SVEP1: variants seen among roughly 807,000 people sequenced by gnomAD.
The protein encoded by SVEP1 is sushi, von Willebrand factor type A, EGF and pentraxin domain containing 1.
In SVEP1, 164 loss-of-function variants were observed where a neutral mutation model predicts 367.3. That is an observed-to-expected ratio of 0.45 (90% CI 0.39 to 0.51). SVEP1 has a LOEUF of 0.51. Ranked by LOEUF, SVEP1 falls within the 20% of genes least tolerant of loss-of-function variation. The pLI is 0.00. For missense variants in SVEP1, 4,117 were observed against 4,425.3 expected, an observed-to-expected ratio of 0.93 and a Z score of 1.98; for synonymous variants, 1,666 against 1,611.6, an observed-to-expected ratio of 1.03 and a Z score of -0.81.
chr9:110,438,300 C>T (rs535939392), intron 27 of SVEP1, among the ~76,000 whole-genome samples: 168 of 151,222 alleles, frequency 1.1e-3, no homozygotes, highest in African/African-American at 3.9e-3. Flanking sequence ...GATTCTCACG[C>T]CTCAGCCTCC....
intron 1 of SVEP1, among the ~76,000 whole-genome samples, chr9:110,571,453 T>C (rs1830561098): frequency 6.6e-6 from 1 of 152,160 alleles, no homozygotes. Context: ...AAAGAATCCC[T>C]GATGGTAGGA....
chr9:110,486,795 C>T (rs1829285535), intron 9 of SVEP1, among the ~76,000 whole-genome samples: 1 of 152,046 alleles, frequency 6.6e-6, no homozygotes, highest in Admixed American at 6.6e-5. Context: ...CAGGTGTGCG[C>T]CACCACACAC....
rs748603134 is a variant in SVEP1 at position 110,472,161 on chromosome 9, G to A, written c.2762C>T (p.Thr921Ile). Residue 921 changes from threonine (T) to isoleucine (I), a missense_variant and splice_region_variant, in exon 15 of 48, where the codon ACA becomes ATA. By Grantham distance (89) the Thr-to-Ile change is moderately conservative. Around this residue, in one of 4 missense-constraint regions of SVEP1, gnomAD observed 2,174 missense variants for 2,494.3 expected, o/e 0.87. Coordinates refer to ENST00000374469, the MANE Select transcript of SVEP1 (RefSeq NM_153366.4). ...DYKIKLIFNI[T>I]ASVPLPDERN... Reference sequence around the variant, plus strand: ...TCAAATAGACAGTTTATCCTTACCTGTGATGTTAAAAATTAACTTAATTTT... The same window carrying A: ...TCAAATAGACAGTTTATCCTTACCTATGATGTTAAAAATTAACTTAATTTT... The A allele has an allele frequency of 3.7e-6, 6 of 1,610,536 alleles. No homozygotes were observed. The African/African-American group carries it at 8.0e-5, about 22-fold the overall frequency.
chr9:110,508,244 T>C (rs967407285), intron 5 of SVEP1, among the ~76,000 whole-genome samples: 1 of 152,176 alleles, frequency 6.6e-6, no homozygotes, highest in Non-Finnish European at 1.5e-5. Context: ...CTACTTGTAG[T>C]AGACAATATA....
chr9:110,390,699 C>T (rs903527114), intron 40 of SVEP1, among the ~76,000 whole-genome samples: 3 of 151,908 alleles, frequency 2.0e-5, no homozygotes, highest in African/African-American at 7.3e-5. Flanking sequence ...TGGCTGCACA[C>T]ACGAATCACC....
In SVEP1 at chr9:110,406,876, G is replaced by A; in HGVS notation, c.8724C>T (p.Gly2908=). 3 of 1,613,994 alleles carry A rather than the reference G, an allele frequency of 1.9e-6. No individual in the cohort carries two copies. Among genetic ancestry groups the A allele is most frequent in the Non-Finnish European group, 2.5e-6 (3 of 1,179,884 alleles). ...AGTGGAATGTTACTTCCTTCATGAA[G>A]CCATAGTCCAGGCCTTCCGTCACCC... The part of the protein sequence containing the change: ...ANGVTEGLDY[G]FMKEVTFHCH... The change falls in exon 38 of 48, where the codon GGC becomes GGT. Residue 2908 remains glycine (G), a synonymous_variant. Transcript: ENST00000374469.
intron 1 of SVEP1, among the ~76,000 whole-genome samples, chr9:110,573,988 T>C (rs1462919962): frequency 6.6e-6 from 1 of 152,214 alleles, no homozygotes; most frequent in African/African-American, 2.4e-5. Context: ...CACTGCACTT[T>C]ATCCATTCAA....
At chr9:110,565,264 C>T (rs1830477709) in intron 1 of SVEP1, among the ~76,000 whole-genome samples, 2 of 152,128 alleles carry the variant, frequency 1.3e-5, no homozygotes, top group African/African-American at 4.8e-5. Context: ...AAGTCTTGTA[C>T]TGAGGTTCTG....
chr9:110,433,496 T>C (rs1828386662), intron 30 of SVEP1, among the ~76,000 whole-genome samples: 1 of 141,950 alleles, frequency 7.0e-6, no homozygotes, highest in South Asian at 2.3e-4. Context: ...TAAGATAGGG[T>C]CTAGTTCTGT....
chr9:110,416,189 G>C (rs1440116679), intron 36 of SVEP1, among the ~76,000 whole-genome samples: 2 of 151,752 alleles, frequency 1.3e-5, no homozygotes, highest in Non-Finnish European at 2.9e-5. Flanking sequence ...AGAAAAAACT[G>C]CAAGGGTAGA....
Position 110,406,415 on chromosome 9 carries a change from G to A in SVEP1, c.9185C>T (p.Thr3062Ile), listed in dbSNP as rs199868284. Reference sequence around the variant, plus strand: ...TATCATTGGAAGAGAACCACAAGAAGTGTGTTCACAGTGGGGGAACCCAGA... The same window carrying A: ...TATCATTGGAAGAGAACCACAAGAAATGTGTTCACAGTGGGGGAACCCAGA... ...WSSGFPHCEH[T>I]SCGSLPMIPN... Residue 3062 changes from threonine (T) to isoleucine (I), a missense_variant, in exon 38 of 48, where the codon ACT becomes ATT. Physicochemically the swap from Thr to Ile is moderately conservative, Grantham distance 89. Coordinates refer to ENST00000374469, the MANE Select transcript of SVEP1 (RefSeq NM_153366.4). 4.2e-5 allele frequency: 68 copies of A among 1,614,066 alleles called. No individual in the cohort carries two copies. Among genetic ancestry groups the A allele is most frequent in the Non-Finnish European group, 5.8e-5 (68 of 1,179,906 alleles).
At chr9:110,390,341 T>TTATATATACTTATATAAGTATG in intron 40 of SVEP1, among the ~76,000 whole-genome samples, 1 of 30,422 alleles carries the variant, frequency 3.3e-5, no homozygotes, top group Admixed American at 3.0e-4. Context: ...ATACACATAC[T>TTATATATACTTATATAAGTATG]TATATACACT....
chr9:110,548,710 C>T (rs1022119088), intron 2 of SVEP1, among the ~76,000 whole-genome samples: 1 of 152,144 alleles, frequency 6.6e-6, no homozygotes, highest in Non-Finnish European at 1.5e-5. Flanking sequence ...AACGCAAATC[C>T]ATACTTTATT....
At position 110,579,127 on chromosome 9, in the gene SVEP1, G is replaced by A. The variant is rs1265496272; in HGVS notation, c.417C>T (p.Tyr139=). 1 of 1,554,548 alleles carries A rather than the reference G, an allele frequency of 6.4e-7. No individual in the cohort carries two copies. Among genetic ancestry groups the A allele is most frequent in the Admixed American group, 1.9e-5 (1 of 51,432 alleles). ...SKNYVVPRVD[Y]ISTRRARQHK... ...GCTGGCGCGCGCGGCGGGTGGAGAT[G>A]TAATCGACGCGCGGCACCACGTAGT... is the stretch of plus-strand genomic sequence containing the variant. The change falls in exon 1 of 48, where the codon TAC becomes TAT. Residue 139 remains tyrosine (Y), a synonymous_variant. Coordinates refer to ENST00000374469, the MANE Select transcript of SVEP1 (RefSeq NM_153366.4). The surrounding 1 kb of genome is among the most constrained non-coding windows in gnomAD (Gnocchi z 5.3).
At chr9:110,550,225 A>C in intron 1 of SVEP1, 121 bp from the exon 2 acceptor site, 18 of 1,310,062 alleles carry the variant, frequency 1.4e-5, no homozygotes, top group Non-Finnish European at 1.8e-5. Context: ...GAGGGATGGA[A>C]GCCCTAGTCA....
In SVEP1 at chr9:110,411,257, T is replaced by C. The variant is rs1465527089; in HGVS notation, c.6454A>G (p.Ile2152Val). 13 of 1,613,938 alleles carry C rather than the reference T, an allele frequency of 8.1e-6. No homozygotes were observed. The Admixed American group carries it at 2.2e-4, about 27-fold the overall frequency. ...IPVRCGEPPS[I>V]MNGYASGSNY... ...GATCCACTTGCATAGCCATTCATGA[T>C]GCTTGGTGGCTCTCCACACCGCACA... Residue 2152 changes from isoleucine to valine, a missense_variant, in exon 37 of 48, where the codon ATC (isoleucine) becomes GTC (valine). By Grantham distance (29) the Ile-to-Val change is conservative. Around this residue, in one of 4 missense-constraint regions of SVEP1, gnomAD observed 1,765 missense variants for 1,781.1 expected, o/e 0.99. Coordinates refer to ENST00000374469, the MANE Select transcript of SVEP1 (RefSeq NM_153366.4).
intron 27 of SVEP1, among the ~76,000 whole-genome samples, chr9:110,439,955 C>CT (rs999446912): frequency 4.6e-5 from 7 of 151,966 alleles, no homozygotes; most frequent in Admixed American, 2.6e-4. Context: ...GATAAAAATG[C>CT]TTTTTTTAAC....
At chr9:110,480,226 G>C (rs1466242473) in intron 12 of SVEP1, among the ~76,000 whole-genome samples, 1 of 152,058 alleles carries the variant, frequency 6.6e-6, no homozygotes, top group Non-Finnish European at 1.5e-5. Flanking sequence ...TTTCTCCCTG[G>C]ATCAAAAGCT....
intron 29 of SVEP1, among the ~76,000 whole-genome samples, chr9:110,434,810 T>C (rs1253092202): frequency 6.6e-6 from 1 of 152,084 alleles, no homozygotes; most frequent in East Asian, 1.9e-4. Context: ...ATAAATTTGA[T>C]TTTATGATAC....
Sources: allele counts gnomAD v4.1 joint callset (sites outside exome capture counted in the v4.1 genomes callset), GRCh38; gene constraint gnomAD v4.1.1; regional missense constraint gnomAD v4.1.1; non-coding constraint Gnocchi (gnomAD v3.1); transcripts MANE v1.5; gene names NCBI Gene and HGNC (gene_info 2026-07-23, HGNC 2026-07-21).